The following COL4A6 variants were observed in gnomAD, a reference collection of about 807,000 sequenced individuals.
COL4A6 encodes collagen type IV alpha 6 chain.
In COL4A6, 59 loss-of-function variants were observed where a neutral mutation model predicts 126.7. That is an observed-to-expected ratio of 0.47 (90% CI 0.38 to 0.58). The LOEUF is 0.58. Among genes scored for constraint, COL4A6 ranks in the 20% least tolerant of loss-of-function variants. The probability of loss-of-function intolerance (pLI) is 0.00; values close to 1 mark genes in which losing one functional copy is unlikely to be tolerated. For synonymous variants in COL4A6, 547 were observed against 496.6 expected, an observed-to-expected ratio of 1.10 and a Z score of -1.35; for missense variants, 1,285 against 1,337.3, an observed-to-expected ratio of 0.96 and a Z score of 0.61.
chrX:108,185,979 G>C, intron 23 of COL4A6, among the ~76,000 whole-genome samples: 1 of 111,942 alleles, frequency 8.9e-6, no homozygotes. Flanking sequence ...TGAACATATT[G>C]TGTTTGGGTA....
chrX:108,306,296 G>A (rs1276601966), intron 3 of COL4A6, among the ~76,000 whole-genome samples: 2 of 111,852 alleles, frequency 1.8e-5, no homozygotes, highest in Admixed American at 9.5e-5. Flanking sequence ...GGAGTGAGAG[G>A]GCAAATATTT....
At chrX:108,197,838 C>A (rs1176646291) in intron 13 of COL4A6, among the ~76,000 whole-genome samples, 1 of 106,339 alleles carries the variant, frequency 9.4e-6, no homozygotes, top group African/African-American at 3.4e-5. Context: ...AGGCTTTGGT[C>A]CCGTACTTAC....
chrX:108,268,884 A>T (rs1458154255), intron 3 of COL4A6: 1 of 166,087 alleles, frequency 6.0e-6, no homozygotes, highest in African/African-American at 3.1e-5. Context: ...CTCTGGATTT[A>T]GCTGTCATCT....
intron 2 of COL4A6, among the ~76,000 whole-genome samples, chrX:108,372,400 C>T (rs112182134): frequency 1.2e-3 from 131 of 111,924 alleles, no homozygotes; most frequent in African/African-American, 3.9e-3. Flanking sequence ...GGCTGTTTGC[C>T]TTCCTCAGTG....
intron 2 of COL4A6, among the ~76,000 whole-genome samples, chrX:108,354,979 T>C (rs768324387): frequency 1.2e-3 from 138 of 111,737 alleles, no homozygotes; most frequent in African/African-American, 4.3e-3. Context: ...CTCGTTGATA[T>C]ATGAAGTTGT....
chrX:108,306,524 G>T (rs375644994), intron 3 of COL4A6, among the ~76,000 whole-genome samples: 1 of 111,756 alleles, frequency 8.9e-6, no homozygotes, highest in African/African-American at 3.3e-5. Flanking sequence ...AAATGGAAAG[G>T]CTTCTTGGTA....
At chrX:108,432,705 G>A (rs1279614023) in intron 2 of COL4A6, among the ~76,000 whole-genome samples, 4 of 110,744 alleles carry the variant, frequency 3.6e-5, no homozygotes, top group Non-Finnish European at 7.6e-5. Flanking sequence ...GTGTGATGGC[G>A]GGCACCTGTA....
chrX:108,330,897 A>G (rs1455782532), intron 2 of COL4A6, among the ~76,000 whole-genome samples: 1 of 111,800 alleles, frequency 8.9e-6, no homozygotes, highest in African/African-American at 3.3e-5. Context: ...GAGTAGATGT[A>G]ACAAACAGGA....
chrX:108,407,349 C>A (rs1195955262), intron 2 of COL4A6, among the ~76,000 whole-genome samples: 1 of 111,828 alleles, frequency 8.9e-6, no homozygotes, highest in Non-Finnish European at 1.9e-5. Flanking sequence ...GGTTGGGACT[C>A]TTGATTCAGG....
intron 11 of COL4A6, among the ~76,000 whole-genome samples, chrX:108,204,735 C>A (rs905434248): frequency 8.1e-5 from 9 of 111,591 alleles, no homozygotes; most frequent in African/African-American, 2.9e-4. Flanking sequence ...CTCTTGGCAA[C>A]AATGATCCAA....
intron 3 of COL4A6, among the ~76,000 whole-genome samples, chrX:108,302,508 CATGTGCTT>C (rs1331802535): frequency 9.0e-6 from 1 of 111,504 alleles, no homozygotes; most frequent in African/African-American, 3.3e-5. Flanking sequence ...TGAGCTCTGC[CATGTGCTT>C]ACATTACTAG....
At chrX:108,306,894 A>G (rs1603054866) in intron 3 of COL4A6, among the ~76,000 whole-genome samples, 1 of 111,122 alleles carries the variant, frequency 9.0e-6, no homozygotes, top group African/African-American at 3.3e-5. Flanking sequence ...TTTTAGATAA[A>G]CACCAGAACA....
chrX:108,383,409 C>T lies in COL4A6; in HGVS notation c.63+54533G>A, dbSNP rs1029144457. ...AGTAAAACCCTGACTCAAGCAGCATCCTCAACCCTGATGGCTTCCTGGGCT... is the reference window on the plus strand; with the variant it reads ...AGTAAAACCCTGACTCAAGCAGCATTCTCAACCCTGATGGCTTCCTGGGCT... On this transcript the variant is annotated intron_variant, in intron 2 of 44. Coordinates refer to ENST00000334504, the MANE Select transcript of COL4A6 (RefSeq NM_033641.4). The T allele has an allele frequency of 2.6e-5, 13 of 490,987 alleles. No individual in the cohort carries two copies. In the Middle Eastern group the frequency reaches 1.8e-3, roughly 66 times the overall value. 40.5% of individuals were successfully genotyped at this position (490,987 alleles called of 1,213,427 possible). A position where few individuals can be genotyped will look rare whatever the true frequency, so the allele number is the denominator to read the frequency against.
chrX:108,412,047 A>G (rs2041342225), intron 2 of COL4A6, among the ~76,000 whole-genome samples: 1 of 111,409 alleles, frequency 9.0e-6, no homozygotes, highest in African/African-American at 3.3e-5. Flanking sequence ...GATCTTACTG[A>G]AGAGAAGCAC....
rs761409521 is a variant in COL4A6, at chrX:108,160,506, T to C, written c.4482A>G (p.Leu1494=). 36 of 1,207,258 alleles carry C rather than the reference T, an allele frequency of 3.0e-5. No individual in the cohort carries two copies. In the Admixed American group the frequency reaches 3.7e-4, roughly 13 times the overall value. ...GMSQLWVGYS[L]LFVEGQEKAH... is the part of the protein sequence containing the mutation. ...CTTTCTCTTGCCCCTCCACAAACAG[T>C]AAGCTGTACCCCACCCACAGCTGGC... The change falls in exon 43 of 45, where the codon TTA becomes TTG. Residue 1494 remains leucine (L), a synonymous_variant. Coordinates refer to ENST00000334504, the MANE Select transcript of COL4A6 (RefSeq NM_033641.4).
At chrX:108,186,477 G>T (rs1014442690) in intron 23 of COL4A6, among the ~76,000 whole-genome samples, 20 of 112,365 alleles carry the variant, frequency 1.8e-4, no homozygotes, top group African/African-American at 5.5e-4. Flanking sequence ...AAACCCAAAA[G>T]TTGGGATGAA....
At chrX:108,300,398 G>GTGTA (rs1569415374) in intron 3 of COL4A6, among the ~76,000 whole-genome samples, 12 of 100,775 alleles carry the variant, frequency 1.2e-4, no homozygotes, top group African/African-American at 4.0e-4. Flanking sequence ...GTGTGTGTGT[G>GTGTA]TATTCAGGAA....
At chrX:108,248,275 T>A (rs2036764744) in intron 3 of COL4A6, among the ~76,000 whole-genome samples, 1 of 111,680 alleles carries the variant, frequency 9.0e-6, no homozygotes, top group Non-Finnish European at 1.9e-5. Context: ...TTCTTATATG[T>A]GTGTATGATC....
chrX:108,246,425 G>A (rs2036718770), intron 3 of COL4A6, among the ~76,000 whole-genome samples: 1 of 112,000 alleles, frequency 8.9e-6, no homozygotes, highest in African/African-American at 3.2e-5. Flanking sequence ...TATAGGCTTT[G>A]TGGACAATAC....
Sources: gnomAD v4.1 joint callset for allele counts (sites outside exome capture counted in the v4.1 genomes callset) on GRCh38, gnomAD v4.1.1 for gene constraint, MANE v1.5 for transcripts, NCBI Gene and HGNC (gene_info 2026-07-23, HGNC 2026-07-21) for gene names.